THSD7B: variants seen among roughly 807,000 people sequenced by gnomAD.
THSD7B encodes the protein thrombospondin type 1 domain containing 7B, also known as thrombospondin type-1 domain-containing protein 7B.
Under a neutral mutation model 213.6 loss-of-function variants are expected in THSD7B, and 138 were observed. The observed-to-expected ratio is 0.65, with a 90% CI of 0.56 to 0.74. THSD7B has a LOEUF of 0.74. THSD7B is among the 30% of genes least tolerant of loss of function. The probability of loss-of-function intolerance (pLI) is 0.00; values close to 1 mark genes in which losing one functional copy is unlikely to be tolerated. For missense variants in THSD7B, 1,931 were observed against 1,991.5 expected, an observed-to-expected ratio of 0.97 and a Z score of 0.58; for synonymous variants, 742 against 687.0, an observed-to-expected ratio of 1.08 and a Z score of -1.25.
At chr2:137,531,506 A>G (rs1387463103) in intron 15 of THSD7B, among the ~76,000 whole-genome samples, 2 of 151,784 alleles carry the variant, frequency 1.3e-5, no homozygotes, top group Non-Finnish European at 2.9e-5. Context: ...ATGAAAGCTT[A>G]CTTTCATATC....
In THSD7B at chr2:137,152,594, C is replaced by T. The variant is rs114853966; in HGVS notation, c.1370-7619C>T. ...GAGTAAATGAGAAATCACATTAAAG[C>T]GATTAGCATAGCACCTAGAGCCAAG... On this transcript the variant is annotated intron_variant, in intron 5 of 27. Transcript: ENST00000409968. 7.0e-3 allele frequency among the ~76,000 whole-genome samples: 1,061 copies of T among 152,262 alleles called. 11 individuals are homozygous for T. The highest frequency in any genetic ancestry group is 0.023 in the African/African-American group (974 of 41,544).
chr2:137,622,409 T>C (rs1474184028), intron 20 of THSD7B, among the ~76,000 whole-genome samples: 4 of 152,014 alleles, frequency 2.6e-5, no homozygotes, highest in Admixed American at 2.6e-4. Context: ...AGTGGTGGTA[T>C]AGACATTTGT....
chr2:137,162,089 A>G (rs958187929), intron 6 of THSD7B, among the ~76,000 whole-genome samples: 2 of 152,174 alleles, frequency 1.3e-5, no homozygotes, highest in African/African-American at 4.8e-5. Flanking sequence ...ACAGAAACCC[A>G]ATTGATAACC....
At position 136,766,893 on chromosome 2, in the gene THSD7B, G is replaced by T. The variant is rs1573628899; in HGVS notation, c.-36+1206G>T. On this transcript the variant is annotated intron_variant, in intron 1 of 27. Coordinates refer to ENST00000409968, the MANE Select transcript of THSD7B (RefSeq NM_001316349.2). ...GACGGTCTGCCTGGTGTTTCTCAGC[G>T]GTACACCTGTGAGTGCTCTGTTATC... Among the ~76,000 whole-genome samples the T allele has an allele frequency of 3.3e-5, 5 of 152,216 alleles. No homozygotes were observed. In the Middle Eastern group the frequency reaches 0.017, roughly 518 times the overall value.
intron 5 of THSD7B, among the ~76,000 whole-genome samples, chr2:137,139,663 A>G (rs911226369): frequency 1.3e-5 from 2 of 152,152 alleles, no homozygotes; most frequent in Non-Finnish European, 2.9e-5. Context: ...TTTGGATGGC[A>G]GGAGAGTTAG....
chr2:137,363,764 A>G (rs975541226), intron 12 of THSD7B, among the ~76,000 whole-genome samples: 7 of 152,236 alleles, frequency 4.6e-5, no homozygotes, highest in Admixed American at 6.5e-5. Context: ...CCAACCAAAA[A>G]GAGTCCAAGA....
chr2:137,044,704 C>G (rs867001158), intron 2 of THSD7B, among the ~76,000 whole-genome samples: 5 of 152,122 alleles, frequency 3.3e-5, no homozygotes, highest in African/African-American at 9.7e-5. Flanking sequence ...CTCTTTTTCT[C>G]TCTCTCAGAA....
At chr2:137,614,094 A>G (rs1682337739) in intron 17 of THSD7B, among the ~76,000 whole-genome samples, 1 of 152,102 alleles carries the variant, frequency 6.6e-6, no homozygotes, top group African/African-American at 2.4e-5. Flanking sequence ...ATGGGAAGAA[A>G]TTTAGTAGGG....
chr2:137,401,755 T>C (rs891690114), intron 12 of THSD7B, among the ~76,000 whole-genome samples: 1 of 152,048 alleles, frequency 6.6e-6, no homozygotes, highest in Non-Finnish European at 1.5e-5. Flanking sequence ...TGTCCTAACT[T>C]TGCGTGCATT....
chr2:136,772,843 T>A (rs1672906291), intron 1 of THSD7B, among the ~76,000 whole-genome samples: 1 of 152,186 alleles, frequency 6.6e-6, no homozygotes, highest in South Asian at 2.1e-4. Flanking sequence ...GAAAGTATTT[T>A]GATGGCTCAG....
intron 3 of THSD7B, among the ~76,000 whole-genome samples, chr2:137,058,015 A>G (rs1328843507): frequency 6.6e-6 from 1 of 152,236 alleles, no homozygotes; most frequent in Non-Finnish European, 1.5e-5. Flanking sequence ...CCAAATTAAG[A>G]TGCCTTTCAA....
In THSD7B at chr2:137,618,777, C is replaced by T. The variant is rs555938437; in HGVS notation, c.3681+270C>T. Among the ~76,000 whole-genome samples, 31 of 152,256 alleles carry T rather than the reference C, an allele frequency of 2.0e-4. 2 individuals are homozygous for T. The South Asian group carries it at 6.2e-3, about 31-fold the overall frequency. ...ACTTATAAAAAGTTATTTACCTGTA[C>T]TTGTTTGCCAAACTGTTGACCTTGG... On this transcript the variant is annotated intron_variant, in intron 19 of 27. Coordinates refer to ENST00000409968, the MANE Select transcript of THSD7B (RefSeq NM_001316349.2).
At chr2:136,779,385 G>A (rs1681686528) in intron 1 of THSD7B, among the ~76,000 whole-genome samples, 1 of 152,010 alleles carries the variant, frequency 6.6e-6, no homozygotes, top group African/African-American at 2.4e-5. Context: ...TTGGTGTGTG[G>A]CATTAGTGTA....
intron 1 of THSD7B, among the ~76,000 whole-genome samples, chr2:136,847,704 A>T (rs1251086428): frequency 6.6e-6 from 1 of 152,162 alleles, no homozygotes; most frequent in Non-Finnish European, 1.5e-5. Context: ...GCGCCCACCA[A>T]GGCAGTCTAC....
At chr2:137,329,159 T>G (rs1302982009) in intron 12 of THSD7B, among the ~76,000 whole-genome samples, 1 of 152,174 alleles carries the variant, frequency 6.6e-6, no homozygotes, top group Non-Finnish European at 1.5e-5. Flanking sequence ...AGAGACTTGT[T>G]GAATGGCTTT....
At chr2:137,557,594 T>G (rs1468005433) in intron 15 of THSD7B, among the ~76,000 whole-genome samples, 4 of 151,964 alleles carry the variant, frequency 2.6e-5, no homozygotes, top group Non-Finnish European at 5.9e-5. Flanking sequence ...TAGCACTAAA[T>G]GCCCACAAGA....
chr2:137,449,691 G>A (rs1024357518), intron 14 of THSD7B, among the ~76,000 whole-genome samples: 2 of 152,150 alleles, frequency 1.3e-5, no homozygotes, highest in Non-Finnish European at 1.5e-5. Context: ...CATGCCATCA[G>A]CATTTCATAG....
intron 2 of THSD7B, among the ~76,000 whole-genome samples, chr2:136,964,205 A>G (rs1019873419): frequency 6.6e-6 from 1 of 152,174 alleles, no homozygotes; most frequent in Non-Finnish European, 1.5e-5. Flanking sequence ...TCTTCAGCAG[A>G]CTCAATTCTC....
chr2:136,835,865 AG>A, intron 1 of THSD7B, among the ~76,000 whole-genome samples: 1 of 152,220 alleles, frequency 6.6e-6, no homozygotes, highest in East Asian at 1.9e-4. Flanking sequence ...GAAAGAACAC[AG>A]GGGTTTGAGT....
Sources: allele counts gnomAD v4.1 joint callset (sites outside exome capture counted in the v4.1 genomes callset), GRCh38; gene constraint gnomAD v4.1.1; transcripts MANE v1.5; gene names NCBI Gene and HGNC (gene_info 2026-07-23, HGNC 2026-07-21).